The following DST variants were observed in gnomAD, a reference collection of about 807,000 sequenced individuals.
DST encodes bullous pemphigoid antigen.
DST carries 253 observed loss-of-function variants against 875.2 expected under a neutral mutation model. The observed-to-expected ratio is 0.29, with a 90% confidence interval of 0.26 to 0.32. The LOEUF is 0.32. DST is among the 10% of genes least tolerant of loss of function. The pLI, the probability that DST is intolerant of heterozygous loss-of-function variation, is 1.00. For missense variants in DST, 8,287 were observed against 9,111.6 expected, an observed-to-expected ratio of 0.91 and a Z score of 3.68; for synonymous variants, 3,124 against 3,197.1, an observed-to-expected ratio of 0.98 and a Z score of 0.77.
chr6:56,608,398 G>A lies in DST; in HGVS notation c.6230C>T (p.Ser2077Phe). Residue 2077 changes from serine (S) to phenylalanine (F), a missense_variant, in exon 40 of 104, where the codon TCT becomes TTT. By Grantham distance (155) the Ser-to-Phe change is radical. Coordinates refer to ENST00000680361, the MANE Select transcript of DST (RefSeq NM_001374736.1). ...RGYVGLIWPH[S>F]GEIFPTSSSL... ...AGATGATGTGGGAAATATTTCACCA[G>A]AATGGGGCCAAATGAGTCCAACATA... 1 of 1,613,316 alleles carries A rather than the reference G, an allele frequency of 6.2e-7. No homozygotes were observed. Among genetic ancestry groups the A allele is most frequent in the Non-Finnish European group, 8.5e-7 (1 of 1,179,772 alleles).
chr6:56,574,374 C>T (rs2097830969), intron 50 of DST, among the ~76,000 whole-genome samples: 1 of 151,982 alleles, frequency 6.6e-6, no homozygotes, highest in Non-Finnish European at 1.5e-5. Flanking sequence ...AAATTATCAC[C>T]CTATCTCCCT....
At chr6:56,781,720 T>C (rs975383673) in intron 4 of DST, among the ~76,000 whole-genome samples, 9 of 152,228 alleles carry the variant, frequency 5.9e-5, no homozygotes, top group African/African-American at 1.9e-4. Context: ...TTATTTCCTT[T>C]TCCTGCCTAA....
intron 36 of DST, among the ~76,000 whole-genome samples, chr6:56,621,728 TATTAATATTCTAG>T (rs1447957897): frequency 6.6e-6 from 1 of 152,188 alleles, no homozygotes; most frequent in African/African-American, 2.4e-5. Context: ...AATTTCTCTT[TATTAATATTCTAG>T]TGTGTTAGTT....
chr6:56,538,994 G>A (rs573341931), intron 61 of DST, among the ~76,000 whole-genome samples: 10 of 151,546 alleles, frequency 6.6e-5, no homozygotes, highest in Non-Finnish European at 1.3e-4. Context: ...CTTTGGATAT[G>A]TTTTACTACT....
intron 98 of DST, chr6:56,467,334 A>G (rs751765102): frequency 6.6e-6 from 1 of 152,140 alleles, no homozygotes; most frequent in South Asian, 2.1e-4. Flanking sequence ...CCCAAAAACA[A>G]TACCAACCAA....
intron 4 of DST, among the ~76,000 whole-genome samples, chr6:56,740,979 C>A (rs1328418857): frequency 5.3e-5 from 8 of 151,804 alleles, no homozygotes; most frequent in African/African-American, 1.9e-4. Flanking sequence ...TAAATTTAAT[C>A]TATTATGTGT....
At chr6:56,712,804 T>C (rs563509904) in intron 5 of DST, among the ~76,000 whole-genome samples, 190 of 152,326 alleles carry the variant, frequency 1.2e-3, no homozygotes, top group Non-Finnish European at 6.8e-4. Context: ...AAATTAGTTT[T>C]ATTTAAATTT....
intron 3 of DST, among the ~76,000 whole-genome samples, chr6:56,887,526 A>G (rs1464921059): frequency 1.3e-5 from 2 of 152,182 alleles, no homozygotes; most frequent in East Asian, 3.8e-4. Flanking sequence ...CCATCTTTGA[A>G]GGGGCTTTCT....
chr6:56,571,301 A>G (rs1423922742), intron 53 of DST, among the ~76,000 whole-genome samples: 2 of 152,236 alleles, frequency 1.3e-5, no homozygotes, highest in African/African-American at 4.8e-5. Context: ...GAAAGAAGAA[A>G]CAACCTAGAG....
At chr6:56,742,756 G>A (rs566889222) in intron 4 of DST, among the ~76,000 whole-genome samples, 1 of 152,076 alleles carries the variant, frequency 6.6e-6, no homozygotes, top group African/African-American at 2.4e-5. Flanking sequence ...AAAAAATCCA[G>A]CCTAACTTGT....
rs2094166285 is a variant in DST at position 56,458,324 on chromosome 6, T to TA, written c.*680_*681insT. On this transcript the variant is annotated 3_prime_UTR_variant, in exon 104 of 104. Coordinates refer to ENST00000680361, the MANE Select transcript of DST (RefSeq NM_001374736.1). ...ATGAGTTCAATGATACAGGTGCTAC[T>TA]GTCCACTCAAGCAAAAGAAAACCTC... is the stretch of plus-strand genomic sequence containing the variant. 6.6e-6 allele frequency: 1 copy of TA among 152,614 alleles called. No homozygotes were observed. Among genetic ancestry groups the TA allele is most frequent in the Non-Finnish European group, 1.5e-5 (1 of 68,042 alleles). The allele number at this position is 152,614 out of a possible 1,614,324, so 9.5% of individuals were successfully genotyped here.
At chr6:56,641,280 A>T (rs1277685356) in intron 17 of DST, among the ~76,000 whole-genome samples, 1 of 152,196 alleles carries the variant, frequency 6.6e-6, no homozygotes, top group Non-Finnish European at 1.5e-5. Flanking sequence ...AAAACTAAAA[A>T]GCTGAATTAA....
intron 3 of DST, among the ~76,000 whole-genome samples, chr6:56,889,877 A>G (rs1233284678): frequency 5.3e-5 from 8 of 152,210 alleles, no homozygotes; most frequent in Admixed American, 4.6e-4. Context: ...AATTTTGCCA[A>G]TAAAATGATG....
chr6:56,918,603 A>G (rs1306701889), intron 2 of DST, among the ~76,000 whole-genome samples: 22 of 152,212 alleles, frequency 1.4e-4, no homozygotes, highest in Non-Finnish European at 2.9e-5. Flanking sequence ...AAAAAGTTTG[A>G]GAGATACTAC....
chr6:56,590,531 C>T (rs1274204736), intron 49 of DST, among the ~76,000 whole-genome samples: 1 of 152,126 alleles, frequency 6.6e-6, no homozygotes, highest in Non-Finnish European at 1.5e-5. Flanking sequence ...ACCCCCACCA[C>T]ATATCTTGTC....
rs777266443 is a variant in DST, at chr6:56,552,266, T to C, written c.16526A>G (p.Gln5509Arg). ...SKLKEFSILL[Q>R]KAEEHEESQG... Reference sequence around the variant, plus strand: ...TGACTCTTCATGTTCTTCGGCTTTCTGGAGCAGAATAGAAAATTCTTTCAA... The same window carrying C: ...TGACTCTTCATGTTCTTCGGCTTTCCGGAGCAGAATAGAAAATTCTTTCAA... Residue 5509 changes from glutamine (Q) to arginine (R), a missense_variant, in exon 61 of 104, where the codon CAG becomes CGG. Physicochemically the swap from Gln to Arg is conservative, Grantham distance 43. Coordinates refer to ENST00000680361, the MANE Select transcript of DST (RefSeq NM_001374736.1). 1 of 1,614,052 alleles carries C rather than the reference T, an allele frequency of 6.2e-7. No individual in the cohort carries two copies. Among genetic ancestry groups the C allele is most frequent in the South Asian group, 1.1e-5 (1 of 91,076 alleles).
intron 89 of DST, 117 bp from the exon 90 acceptor site, chr6:56,482,295 T>G: frequency 8.3e-7 from 1 of 1,200,184 alleles, no homozygotes; most frequent in South Asian, 2.5e-5. Context: ...AGTTTTAAAT[T>G]TAATTGCTTC....
chr6:56,464,824 C>T (rs921575831), intron 99 of DST, 68 bp from the exon 100 acceptor site: 16 of 1,235,864 alleles, frequency 1.3e-5, no homozygotes, highest in Non-Finnish European at 1.9e-5. Context: ...AAACAAAGTA[C>T]AGTAGTTGAA....
chr6:56,687,664 A>G (rs2099197089), intron 9 of DST, among the ~76,000 whole-genome samples: 1 of 152,160 alleles, frequency 6.6e-6, no homozygotes, highest in South Asian at 2.1e-4. Flanking sequence ...TGAATTTGTC[A>G]ACACAGGCAA....
Sources: allele counts gnomAD v4.1 joint callset (sites outside exome capture counted in the v4.1 genomes callset), GRCh38; gene constraint gnomAD v4.1.1; transcripts MANE v1.5; gene names NCBI Gene and HGNC (gene_info 2026-07-23, HGNC 2026-07-21).